CEP164: variants seen among roughly 807,000 people sequenced by gnomAD.
The protein encoded by CEP164 is centrosomal protein of 164 kDa.
In CEP164, 162 loss-of-function variants were observed where a neutral mutation model predicts 182.7. The ratio of observed to expected loss-of-function variants is 0.89; its 90% CI spans 0.78 to 1.01. CEP164 has a LOEUF of 1.01. Among genes scored for constraint, CEP164 ranks in the 50% least tolerant of loss-of-function variants. The probability of loss-of-function intolerance (pLI) is 0.00; values close to 1 mark genes in which losing one functional copy is unlikely to be tolerated. For synonymous variants in CEP164, 661 were observed against 690.0 expected, an observed-to-expected ratio of 0.96 and a Z score of 0.66; for missense variants, 1,735 against 1,790.4, an observed-to-expected ratio of 0.97 and a Z score of 0.56.
Position 117,340,979 on chromosome 11 carries a change from A to G in CEP164, c.82+2311A>G, listed in dbSNP as rs576135567. On this transcript the variant is annotated intron_variant, in intron 3 of 32. Coordinates refer to ENST00000278935, the MANE Select transcript of CEP164 (RefSeq NM_014956.5). ...GTAGCTGGGACTACAGGTGCACGCC[A>G]CCACACCCAGCTAATTTTTGTATTT... 6.6e-5 allele frequency among the ~76,000 whole-genome samples: 10 copies of G among 152,264 alleles called. 1 individual carries two copies. Among genetic ancestry groups the G allele is most frequent in the South Asian group, 6.2e-4 (3 of 4,826 alleles).
At position 117,409,501 on chromosome 11, in the gene CEP164, G is replaced by A; in HGVS notation, c.3749-117G>A. On this transcript the variant is annotated intron_variant, in intron 29 of 32. Coordinates refer to ENST00000278935, the MANE Select transcript of CEP164 (RefSeq NM_014956.5). The surrounding 1 kb of genome is among the most constrained non-coding windows in gnomAD (Gnocchi z 4.4). ...GACCCCCTCATAAGGTTGAGGGGCTGTTGTCTGGAGAAGCAGGGAGGGGTG... is the reference window on the plus strand; with the variant it reads ...GACCCCCTCATAAGGTTGAGGGGCTATTGTCTGGAGAAGCAGGGAGGGGTG... 1 of 888,416 alleles carries A rather than the reference G, an allele frequency of 1.1e-6. No individual in the cohort carries two copies. The highest frequency in any genetic ancestry group is 1.6e-5 in the South Asian group (1 of 62,780). 55.0% of individuals were successfully genotyped at this position (888,416 alleles called of 1,614,324 possible).
intron 5 of CEP164, among the ~76,000 whole-genome samples, chr11:117,353,855 C>T (rs530894282): frequency 2.0e-5 from 3 of 152,170 alleles, no homozygotes; most frequent in East Asian, 1.9e-4. Context: ...GACCATGTGG[C>T]GGTCTCTCAA....
intron 28 of CEP164, chr11:117,408,674 G>A (rs951305108): frequency 1.0e-5 from 6 of 599,496 alleles, no homozygotes; most frequent in African/African-American, 3.7e-5. Flanking sequence ...TCACAAGGGC[G>A]ACAGCCTACA....
chr11:117,404,877 G>T (rs1201900804), intron 27 of CEP164, among the ~76,000 whole-genome samples: 1 of 152,252 alleles, frequency 6.6e-6, no homozygotes, highest in South Asian at 2.1e-4. Flanking sequence ...TAGAGAGGCA[G>T]TCTGGCTACA....
Position 117,361,987 on chromosome 11 carries a change from C to A in CEP164, c.546C>A (p.Leu182=). The A allele has an allele frequency of 6.4e-7, 1 of 1,571,046 alleles. No homozygotes were observed. Among genetic ancestry groups the A allele is most frequent in the Non-Finnish European group, 8.6e-7 (1 of 1,164,188 alleles). The change falls in exon 6 of 33, where the codon CTC becomes CTA. Residue 182 remains leucine, a synonymous_variant. Coordinates refer to ENST00000278935, the MANE Select transcript of CEP164 (RefSeq NM_014956.5). Reference sequence around the variant, plus strand: ...AGTCTGGACGTCAGCTTGGAGAACTCATGCTGGTAAGTACGTTCTCTTGCG... The same window carrying A: ...AGTCTGGACGTCAGCTTGGAGAACTAATGCTGGTAAGTACGTTCTCTTGCG... ...SVESGRQLGE[L]MLPSQGLKTS... is the part of the protein sequence containing the mutation.
At chr11:117,368,505 G>A (rs1481230310) in intron 8 of CEP164, among the ~76,000 whole-genome samples, 1 of 152,194 alleles carries the variant, frequency 6.6e-6, no homozygotes, top group Non-Finnish European at 1.5e-5. Flanking sequence ...CGCATCTAAG[G>A]TGTATTGGTA....
chr11:117,381,640 G>A (rs765342730), intron 12 of CEP164, 61 bp from the exon 13 acceptor site: 5 of 1,545,316 alleles, frequency 3.2e-6, no homozygotes, highest in Non-Finnish European at 3.5e-6. Flanking sequence ...GTACTCCCCA[G>A]TTCTCTTCCC....
intron 3 of CEP164, among the ~76,000 whole-genome samples, chr11:117,339,515 GTTTTTTGTTTTTTTTTTTTT>G (rs2037760780): frequency 1.1e-5 from 1 of 90,872 alleles, no homozygotes; most frequent in African/African-American, 4.2e-5. Context: ...CTTTTCCTTT[GTTTTTTGTTTTTTTTTTTTT>G]TTTTTTTTTT....
intron 1 of CEP164, among the ~76,000 whole-genome samples, chr11:117,322,368 A>C (rs1417316221): frequency 1.3e-5 from 2 of 151,032 alleles, no homozygotes; most frequent in African/African-American, 4.9e-5. Context: ...GCCCGCCTCG[A>C]CCTCCCAAAT....
chr11:117,363,972 ACCAGACTG>A (rs1472476467), intron 8 of CEP164: 2 of 151,930 alleles, frequency 1.3e-5, no homozygotes, highest in East Asian at 3.9e-4. Flanking sequence ...CTCTCTGTTG[ACCAGACTG>A]GTTTCAAACT....
At chr11:117,321,847 ATCAAGCCTGGT>A (rs1217801085) in intron 1 of CEP164, among the ~76,000 whole-genome samples, 1 of 139,482 alleles carries the variant, frequency 7.2e-6, no homozygotes, top group African/African-American at 2.8e-5. Flanking sequence ...GGTACACACC[ATCAAGCCTGGT>A]TAAATTTTTG....
At chr11:117,367,495 T>C (rs2041773442) in intron 8 of CEP164, among the ~76,000 whole-genome samples, 2 of 152,228 alleles carry the variant, frequency 1.3e-5, no homozygotes, top group African/African-American at 4.8e-5. Context: ...CTATATTCTC[T>C]CACGTGTAAG....
chr11:117,346,718 G>A (rs890156089), intron 4 of CEP164, among the ~76,000 whole-genome samples: 1 of 152,028 alleles, frequency 6.6e-6, no homozygotes, highest in African/African-American at 2.4e-5. Flanking sequence ...TCAAAAATTA[G>A]CTGGGGGTGA....
At chr11:117,377,048 G>C (rs76023439) in intron 11 of CEP164, among the ~76,000 whole-genome samples, 106 of 152,246 alleles carry the variant, frequency 7.0e-4, no homozygotes, top group African/African-American at 2.5e-3. Flanking sequence ...TTGCTGTAAC[G>C]CAGTAGCAGG....
chr11:117,376,172 C>T (rs144767456), intron 11 of CEP164, among the ~76,000 whole-genome samples: 1 of 152,216 alleles, frequency 6.6e-6, no homozygotes, highest in Non-Finnish European at 1.5e-5. Context: ...CTCGCTATTG[C>T]TGGGGCACAC....
upstream of CEP164, among the ~76,000 whole-genome samples, chr11:117,324,482 C>T (rs2134528215): frequency 6.6e-6 from 1 of 151,668 alleles, no homozygotes; most frequent in African/African-American, 2.4e-5. Context: ...TTGTTATTTT[C>T]CCCCCAAAGT....
intron 11 of CEP164, among the ~76,000 whole-genome samples, chr11:117,376,032 C>T (rs1291065387): frequency 6.6e-6 from 1 of 152,200 alleles, no homozygotes; most frequent in Non-Finnish European, 1.5e-5. Context: ...CATTCAGCAG[C>T]TGAAGAGTGG....
rs1220018776 is a variant in CEP164 at position 117,412,520 on chromosome 11, CT to C, written c.*354del. The C allele has an allele frequency of 2.5e-5, 6 of 236,800 alleles. No homozygotes were observed. The East Asian group carries it at 5.2e-4, about 21-fold the overall frequency. 14.7% of individuals were successfully genotyped at this position (236,800 alleles called of 1,614,324 possible). On this transcript the variant is annotated 3_prime_UTR_variant, in exon 33 of 33. Coordinates refer to ENST00000278935, the MANE Select transcript of CEP164 (RefSeq NM_014956.5). ...GAGTCCCTTTGGAGCTGGTTGTTTCCTTGGCCCTGCAGCGCACTGCTCGGGG... is the reference window on the plus strand; with the variant it reads ...GAGTCCCTTTGGAGCTGGTTGTTTCCTGGCCCTGCAGCGCACTGCTCGGGG...
At chr11:117,357,879 A>G (rs1321975370) in intron 5 of CEP164, among the ~76,000 whole-genome samples, 1 of 152,094 alleles carries the variant, frequency 6.6e-6, no homozygotes, top group East Asian at 1.9e-4. Context: ...TCTTGAGTTC[A>G]CTTCCTCCTC....
Sources: allele counts gnomAD v4.1 joint callset (sites outside exome capture counted in the v4.1 genomes callset), GRCh38; gene constraint gnomAD v4.1.1; non-coding constraint Gnocchi (gnomAD v3.1); transcripts MANE v1.5; gene names NCBI Gene and HGNC (gene_info 2026-07-23, HGNC 2026-07-21).